Variants in FLI1 observed in about 807,000 individuals in gnomAD.
FLI1 encodes Friend leukemia integration 1 transcription factor.
FLI1 carries 13 observed loss-of-function variants against 53.1 expected under a neutral mutation model. The ratio of observed to expected loss-of-function variants is 0.24; its 90% CI spans 0.16 to 0.39. The LOEUF is 0.39. FLI1 is among the 10% of genes least tolerant of loss of function. FLI1 has a pLI of 1.00. For synonymous variants in FLI1, 244 were observed against 236.7 expected, an observed-to-expected ratio of 1.03 and a Z score of -0.28; for missense variants, 424 against 600.5, an observed-to-expected ratio of 0.71 and a Z score of 3.07.
intron 5 of FLI1, among the ~76,000 whole-genome samples, chr11:128,788,644 CTTATAG>C (rs1328616263): frequency 6.6e-6 from 1 of 152,158 alleles, no homozygotes; most frequent in Non-Finnish European, 1.5e-5. Context: ...CTCCAAATCC[CTTATAG>C]AACAGGAGAG....
intron 1 of FLI1, among the ~76,000 whole-genome samples, chr11:128,710,891 C>T (rs1486275733): frequency 2.6e-5 from 4 of 152,180 alleles, no homozygotes; most frequent in African/African-American, 9.7e-5. Context: ...AGATATAGCT[C>T]TTGCACAATT....
At chr11:128,793,489 C>T (rs1011399533) in intron 5 of FLI1, among the ~76,000 whole-genome samples, 1 of 152,134 alleles carries the variant, frequency 6.6e-6, no homozygotes, top group Non-Finnish European at 1.5e-5. Context: ...TGCCCTGCCC[C>T]AGTATTGAGA....
intron 4 of FLI1, among the ~76,000 whole-genome samples, chr11:128,781,490 T>C (rs1167767469): frequency 1.3e-5 from 2 of 152,216 alleles, no homozygotes; most frequent in Non-Finnish European, 2.9e-5. Context: ...AAATATTTAC[T>C]ATCTCCTTTT....
intron 1 of FLI1, among the ~76,000 whole-genome samples, chr11:128,731,007 C>T (rs1939674335): frequency 6.6e-6 from 1 of 152,230 alleles, no homozygotes; most frequent in Admixed American, 6.5e-5. Context: ...ACAAGTGCTT[C>T]GAGAGGTCCT....
intron 1 of FLI1, among the ~76,000 whole-genome samples, chr11:128,751,668 A>G (rs1940650737): frequency 6.6e-6 from 1 of 152,026 alleles, no homozygotes; most frequent in Non-Finnish European, 1.5e-5. Flanking sequence ...CTGGGACTAC[A>G]GGCACCCGCC....
rs12294129 is a variant in FLI1 at position 128,766,828 on chromosome 11, G to A, written c.231-1290G>A. ...TTATGCGGCCTAGAGTTGGAAGGCT[G>A]TAATCTGAACCTTATCTGAACTCCT... On this transcript the variant is annotated intron_variant, in intron 2 of 8. Coordinates refer to ENST00000527786, the MANE Select transcript of FLI1 (RefSeq NM_002017.5). Among the ~76,000 whole-genome samples, 931 of 152,166 alleles carry A rather than the reference G, an allele frequency of 6.1e-3. 9 individuals are homozygous for A. Among genetic ancestry groups the A allele is most frequent in the African/African-American group, 0.021 (882 of 41,500 alleles).
chr11:128,690,927 C>G (rs1180173085), upstream of FLI1, among the ~76,000 whole-genome samples: 1 of 152,128 alleles, frequency 6.6e-6, no homozygotes, highest in African/African-American at 2.4e-5. Flanking sequence ...TGGGAAAGGG[C>G]GAGGCCATTG....
At chr11:128,743,657 T>C (rs906227835) in intron 1 of FLI1, among the ~76,000 whole-genome samples, 18 of 152,212 alleles carry the variant, frequency 1.2e-4, no homozygotes, top group African/African-American at 3.9e-4. Flanking sequence ...TTGGGCAAGG[T>C]TGGCACCTCC....
intron 3 of FLI1, 103 bp from the exon 4 acceptor site, chr11:128,772,679 A>G: frequency 1.1e-6 from 1 of 878,942 alleles, no homozygotes; most frequent in Non-Finnish European, 1.9e-6. Flanking sequence ...AGAGAGAAAG[A>G]GAAGGGAAAG....
At chr11:128,737,953 C>A (rs1939976667) in intron 1 of FLI1, among the ~76,000 whole-genome samples, 1 of 152,192 alleles carries the variant, frequency 6.6e-6, no homozygotes, top group African/African-American at 2.4e-5. Flanking sequence ...AGCAGTTCCC[C>A]AAATTCAAGA....
chr11:128,741,732 C>G (rs559741870), intron 1 of FLI1, among the ~76,000 whole-genome samples: 2 of 152,318 alleles, frequency 1.3e-5, no homozygotes, highest in Admixed American at 6.5e-5. Flanking sequence ...CCCCTCCCCC[C>G]GATTCCTGCT....
rs12287302 is a variant in FLI1 at position 128,727,912 on chromosome 11, G to T, written c.19-30203G>T. ...CTAAGTGGAGAGGTAAGGAGTTAAA[G>T]CGGGGAGAAGAGCAGGCATTCCTGC... On this transcript the variant is annotated intron_variant, in intron 1 of 8. Coordinates refer to ENST00000527786, the MANE Select transcript of FLI1 (RefSeq NM_002017.5). Among the ~76,000 whole-genome samples the T allele has an allele frequency of 5.1e-3, 775 of 152,328 alleles. 4 individuals carry two copies. Among genetic ancestry groups the T allele is most frequent in the African/African-American group, 0.018 (739 of 41,562 alleles).
upstream of FLI1, among the ~76,000 whole-genome samples, chr11:128,690,963 G>A (rs1937713902): frequency 6.6e-6 from 1 of 152,182 alleles, no homozygotes; most frequent in Admixed American, 6.5e-5. Context: ...AGGAAAGAGG[G>A]TGTGCACAAG....
At chr11:128,741,830 G>A (rs1293651707) in intron 1 of FLI1, among the ~76,000 whole-genome samples, 1 of 152,098 alleles carries the variant, frequency 6.6e-6, no homozygotes, top group Non-Finnish European at 1.5e-5. Flanking sequence ...ACCTTCTCCT[G>A]AGGCAATGGC....
intron 1 of FLI1, among the ~76,000 whole-genome samples, chr11:128,753,742 C>T (rs1290297576): frequency 1.3e-5 from 2 of 152,226 alleles, no homozygotes; most frequent in South Asian, 2.1e-4. Flanking sequence ...AGCAGCTCCT[C>T]GCCTGCAGAC....
At chr11:128,770,582 T>G (rs76447891) in intron 3 of FLI1, among the ~76,000 whole-genome samples, 2,596 of 152,308 alleles carry the variant, frequency 0.017, 29 homozygotes, top group Middle Eastern at 0.031. Context: ...GTTGAAGATT[T>G]ATAATTCATT....
Position 128,758,203 on chromosome 11 carries a change from C to A in FLI1, c.107C>A (p.Ala36Asp), listed in dbSNP as rs1385109234. 6.2e-7 allele frequency: 1 copy of A among 1,613,406 alleles called. No homozygotes were observed. The highest frequency in any genetic ancestry group is 8.5e-7 in the Non-Finnish European group (1 of 1,179,648). The change falls in exon 2 of 9, where the codon GCC (alanine) becomes GAC (aspartate). Residue 36 changes from alanine to aspartate, a missense_variant. Ala to Asp is a moderately radical substitution (Grantham distance 126). This residue lies in a region of FLI1 where 137 missense variants were observed against 169.1 expected (regional missense o/e 0.81). Coordinates refer to ENST00000527786, the MANE Select transcript of FLI1 (RefSeq NM_002017.5). ...AAHLPKADMT[A>D]SGSPDYGQPH... ...CATCTCCCCAAGGCCGACATGACTG[C>A]CTCGGGGAGTCCTGACTACGGGCAG... is the stretch of plus-strand genomic sequence containing the variant.
chr11:128,733,081 A>T (rs1042774346), intron 1 of FLI1, among the ~76,000 whole-genome samples: 1 of 152,234 alleles, frequency 6.6e-6, no homozygotes, highest in East Asian at 1.9e-4. Context: ...GACTTATCAG[A>T]GCCTTGAATA....
chr11:128,690,077 G>A (rs1937673831), upstream of FLI1, among the ~76,000 whole-genome samples: 1 of 152,236 alleles, frequency 6.6e-6, no homozygotes, highest in African/African-American at 2.4e-5. Flanking sequence ...TCCAGGGGCG[G>A]CTTGAGCTGC....
Sources: gnomAD v4.1 joint callset for allele counts (sites outside exome capture counted in the v4.1 genomes callset) on GRCh38, gnomAD v4.1.1 for gene constraint, gnomAD v4.1.1 regional missense constraint, MANE v1.5 for transcripts, NCBI Gene and HGNC (gene_info 2026-07-23, HGNC 2026-07-21) for gene names.